The following LRRC56 variants were observed in gnomAD, a reference collection of about 807,000 sequenced individuals.
LRRC56 encodes the protein leucine rich repeat containing 56.
Under a neutral mutation model 47.8 loss-of-function variants are expected in LRRC56, and 41 were observed. The ratio of observed to expected loss-of-function variants is 0.86; its 90% confidence interval spans 0.67 to 1.11. LRRC56 has a LOEUF of 1.11. LRRC56 is among the 50% of genes most tolerant of loss of function. The pLI is 0.00. For synonymous variants in LRRC56, 387 were observed against 311.2 expected, an observed-to-expected ratio of 1.24 and a Z score of -2.56; for missense variants, 759 against 704.2, an observed-to-expected ratio of 1.08 and a Z score of -0.88.
chr11:510,102 C>T, the LRRC56 span, among the ~76,000 whole-genome samples: 2 of 151,676 alleles, frequency 1.3e-5, no homozygotes, highest in Non-Finnish European at 2.9e-5. Flanking sequence ...ACATCCAGCC[C>T]CACCAGCCTA....
intron 6 of LRRC56, among the ~76,000 whole-genome samples, chr11:545,328 G>A (rs1328639603): frequency 1.3e-5 from 2 of 152,204 alleles, no homozygotes; most frequent in Non-Finnish European, 2.9e-5. Flanking sequence ...CCAAGGACTG[G>A]GGGCCTTCTG....
At chr11:535,011 G>T (rs2133999327), upstream of LRRC56, among the ~76,000 whole-genome samples, 1 of 152,296 alleles carries the variant, frequency 6.6e-6, no homozygotes, top group East Asian at 1.9e-4. Flanking sequence ...GAGGGAAAAG[G>T]CACTGGGGCT....
At position 554,670 on chromosome 11, in the gene LRRC56, A is replaced by G. The variant is rs984120857; in HGVS notation, c.*394A>G. On this transcript the variant is annotated 3_prime_UTR_variant, in exon 14 of 14. Coordinates refer to ENST00000270115, the MANE Select transcript of LRRC56 (RefSeq NM_198075.4). ...ACCACTCCCTTGCCGGCCCCAGGGT[A>G]AGAGCCACCTCCTAGGCCGCAGTGG... 5.0e-5 allele frequency: 20 copies of G among 403,958 alleles called. No individual in the cohort carries two copies. The highest frequency in any genetic ancestry group is 4.9e-4 in the Admixed American group (11 of 22,478). The allele number at this position is 403,958 out of a possible 1,614,324, so 25.0% of individuals were successfully genotyped here.
intron 6 of LRRC56, 134 bp downstream of exon 6, chr11:544,914 A>G: frequency 1.1e-6 from 1 of 897,304 alleles, no homozygotes; most frequent in Admixed American, 2.1e-5. Context: ...GGGTCTAGAG[A>G]GCTCCATCCT....
intron 5 of LRRC56, among the ~76,000 whole-genome samples, 200 bp from the exon 6 acceptor site, chr11:544,520 C>T (rs974665006): frequency 5.9e-5 from 9 of 152,172 alleles, no homozygotes; most frequent in Non-Finnish European, 8.8e-5. Flanking sequence ...TCAGCAGACC[C>T]CTTTGGTGGC....
At chr11:512,270 C>G in the LRRC56 span, among the ~76,000 whole-genome samples, 1 of 151,020 alleles carries the variant, frequency 6.6e-6, no homozygotes, top group Non-Finnish European at 1.5e-5. Context: ...GAGTCTCGCT[C>G]TGTCGCCCAG....
At chr11:519,239 G>C in the LRRC56 span, among the ~76,000 whole-genome samples, 1 of 151,528 alleles carries the variant, frequency 6.6e-6, no homozygotes, top group Non-Finnish European at 1.5e-5. Context: ...CTAAAGGAAC[G>C]TGGCCTGATA....
chr11:512,001 T>C, the LRRC56 span, among the ~76,000 whole-genome samples: 2 of 152,224 alleles, frequency 1.3e-5, no homozygotes, highest in Admixed American at 6.5e-5. Flanking sequence ...AGGAGTGCAG[T>C]GGCGTGATCT....
chr11:549,791 A>G, intron 6 of LRRC56, 111 bp from the exon 7 acceptor site: 1 of 843,640 alleles, frequency 1.2e-6, no homozygotes, highest in Non-Finnish European at 1.9e-6. Context: ...CTCAGTCTAG[A>G]GGCCACCATA....
the LRRC56 span, among the ~76,000 whole-genome samples, chr11:526,099 C>T: frequency 6.6e-5 from 10 of 151,322 alleles, no homozygotes; most frequent in Admixed American, 1.3e-4. Context: ...CCCAGCTACT[C>T]GGGAGGCTGA....
chr11:514,628 G>C, the LRRC56 span, among the ~76,000 whole-genome samples: 2 of 152,054 alleles, frequency 1.3e-5, no homozygotes, highest in Non-Finnish European at 2.9e-5. Flanking sequence ...GGAGGGTAGG[G>C]TGGTGGGAGC....
chr11:517,199 A>G, the LRRC56 span, among the ~76,000 whole-genome samples: 3 of 152,246 alleles, frequency 2.0e-5, no homozygotes, highest in African/African-American at 7.2e-5. Context: ...AGCTCGCCAC[A>G]ACCTCTACCT....
intron 4 of LRRC56, 100 bp downstream of exon 4, chr11:540,961 C>T: frequency 1.9e-6 from 2 of 1,031,158 alleles, no homozygotes; most frequent in Middle Eastern, 3.2e-4. Flanking sequence ...CTGTCCCCCT[C>T]CTGCTGGTCT....
chr11:518,728 C>T, the LRRC56 span, among the ~76,000 whole-genome samples: 1 of 152,150 alleles, frequency 6.6e-6, no homozygotes, highest in Non-Finnish European at 1.5e-5. Context: ...GCAGCCAGCG[C>T]GGAACCGGAC....
chr11:551,912 A>G lies in LRRC56; in HGVS notation c.983A>G (p.Gln328Arg). 6.2e-7 allele frequency: 1 copy of G among 1,612,550 alleles called. No homozygotes were observed. Residue 328 changes from glutamine to arginine, a missense_variant, in exon 11 of 14, where the codon CAA becomes CGA. Gln to Arg is a conservative substitution (Grantham distance 43, BLOSUM62 1). Coordinates refer to ENST00000270115, the MANE Select transcript of LRRC56 (RefSeq NM_198075.4). ...NTSSLTHGAG[Q>R]VLCGNPTKGL... is the part of the protein sequence containing the mutation. The stretch of plus-strand genomic sequence containing the variant: ...ATGCTGTCTCTTGCAGGTGCTGGCC[A>G]AGTCCTCTGTGGGAACCCCACCAAG...
At chr11:518,146 C>T in the LRRC56 span, among the ~76,000 whole-genome samples, 1 of 152,110 alleles carries the variant, frequency 6.6e-6, no homozygotes, top group Non-Finnish European at 1.5e-5. Flanking sequence ...CTCTGAGAAA[C>T]ACCCAAGAAT....
At chr11:530,481 G>A in the LRRC56 span, among the ~76,000 whole-genome samples, 3 of 145,150 alleles carry the variant, frequency 2.1e-5, no homozygotes, top group African/African-American at 7.8e-5. Flanking sequence ...GGGCGAGTGT[G>A]GCGTCCCCTG....
chr11:522,755 T>A, the LRRC56 span, among the ~76,000 whole-genome samples: 1 of 152,286 alleles, frequency 6.6e-6, no homozygotes, highest in South Asian at 2.1e-4. Flanking sequence ...CATTTTCTTT[T>A]CTTTTGAGAC....
the LRRC56 span, among the ~76,000 whole-genome samples, chr11:511,948 A>ATT: frequency 6.8e-6 from 1 of 146,980 alleles, no homozygotes; most frequent in African/African-American, 2.5e-5. Flanking sequence ...TAGGAGGCGA[A>ATT]TTTTTTTTTT....
Sources: gnomAD v4.1 joint callset for allele counts (sites outside exome capture counted in the v4.1 genomes callset) on GRCh38, gnomAD v4.1.1 for gene constraint, MANE v1.5 for transcripts, NCBI Gene and HGNC (gene_info 2026-07-23, HGNC 2026-07-21) for gene names.